CDH4: variants seen among roughly 807,000 people sequenced by gnomAD.
CDH4 encodes cadherin 4, also known as cadherin-4.
A neutral mutation model predicts 86.0 loss-of-function variants in CDH4; 33 were observed. That is an observed-to-expected ratio of 0.38 (90% confidence interval 0.29 to 0.51). The LOEUF (loss-of-function observed/expected upper bound fraction) is 0.51. Among genes scored for constraint, CDH4 ranks in the 20% least tolerant of loss-of-function variants. CDH4 has a pLI of 0.86. For missense variants in CDH4, 1,114 were observed against 1,307.4 expected, an observed-to-expected ratio of 0.85 and a Z score of 2.28; for synonymous variants, 555 against 549.4, an observed-to-expected ratio of 1.01 and a Z score of -0.14.
chr20:61,451,651 G>A (rs142579009), intron 2 of CDH4, among the ~76,000 whole-genome samples: 1 of 152,112 alleles, frequency 6.6e-6, no homozygotes, highest in East Asian at 1.9e-4. Context: ...GGGTCGCCAA[G>A]GAAAACTGTA....
chr20:61,723,732 C>G (rs1339920073), intron 2 of CDH4, among the ~76,000 whole-genome samples: 1 of 152,220 alleles, frequency 6.6e-6, no homozygotes, highest in African/African-American at 2.4e-5. Context: ...CTTATTTACT[C>G]TAGAAAACAT....
At chr20:61,598,236 T>C (rs908581944) in intron 2 of CDH4, among the ~76,000 whole-genome samples, 2 of 152,082 alleles carry the variant, frequency 1.3e-5, no homozygotes, top group African/African-American at 4.8e-5. Context: ...CTTCCAGGAA[T>C]TGGCTGCTGG....
intron 2 of CDH4, among the ~76,000 whole-genome samples, chr20:61,410,354 C>T (rs375183570): frequency 2.6e-5 from 4 of 152,104 alleles, no homozygotes; most frequent in African/African-American, 4.8e-5. Flanking sequence ...ATCTTCCATT[C>T]CTCTCACTGG....
intron 2 of CDH4, among the ~76,000 whole-genome samples, chr20:61,659,794 A>G (rs1862433741): frequency 6.6e-6 from 1 of 152,112 alleles, no homozygotes; most frequent in South Asian, 2.1e-4. Flanking sequence ...CCGGCCCAGG[A>G]GCTGGGGCAG....
At chr20:61,406,950 C>T (rs952316631) in intron 2 of CDH4, among the ~76,000 whole-genome samples, 5 of 147,054 alleles carry the variant, frequency 3.4e-5, no homozygotes, top group South Asian at 2.2e-4. Context: ...CCTGGACCTC[C>T]GTCTGCTCTG....
intron 4 of CDH4, among the ~76,000 whole-genome samples, chr20:61,828,754 C>G (rs1482604361): frequency 6.6e-6 from 1 of 152,238 alleles, no homozygotes; most frequent in Admixed American, 6.5e-5. Context: ...GCCTCTGCTT[C>G]CTCACTTATA....
intron 2 of CDH4, among the ~76,000 whole-genome samples, chr20:61,478,932 A>T (rs2085554204): frequency 6.6e-6 from 1 of 151,604 alleles, no homozygotes; most frequent in Admixed American, 6.6e-5. Flanking sequence ...TTTCTATGTC[A>T]GAGAAACTTT....
At chr20:61,787,091 CCATCCAT>C (rs1049261483) in intron 4 of CDH4, among the ~76,000 whole-genome samples, 16 of 150,930 alleles carry the variant, frequency 1.1e-4, no homozygotes, top group African/African-American at 3.9e-4. Flanking sequence ...CATTATCCAT[CCATCCAT>C]CATCCATCCA....
intron 2 of CDH4, among the ~76,000 whole-genome samples, chr20:61,347,819 T>G (rs2084688631): frequency 6.6e-6 from 1 of 152,224 alleles, no homozygotes; most frequent in African/African-American, 2.4e-5. Flanking sequence ...TCAGCTGATT[T>G]GAATTGGGAC....
chr20:61,726,196 C>T (rs1412495071), intron 2 of CDH4, among the ~76,000 whole-genome samples: 1 of 152,060 alleles, frequency 6.6e-6, no homozygotes, highest in Non-Finnish European at 1.5e-5. Context: ...CCCAGTGGCC[C>T]AGGGCTGATG....
At chr20:61,855,359 C>T (rs958532944) in intron 6 of CDH4, among the ~76,000 whole-genome samples, 3 of 152,198 alleles carry the variant, frequency 2.0e-5, no homozygotes, top group African/African-American at 7.2e-5. Flanking sequence ...GACATTATTT[C>T]ACTGGAACCA....
At chr20:61,529,326 A>G (rs2085935487) in intron 2 of CDH4, among the ~76,000 whole-genome samples, 1 of 152,252 alleles carries the variant, frequency 6.6e-6, no homozygotes, top group Non-Finnish European at 1.5e-5. Flanking sequence ...AACTCATAAT[A>G]AAACTGGTAA....
intron 2 of CDH4, among the ~76,000 whole-genome samples, chr20:61,426,810 A>T (rs1438556488): frequency 1.3e-5 from 2 of 152,166 alleles, no homozygotes. Flanking sequence ...TTGTCTTGGG[A>T]GTAGGGTATA....
intron 4 of CDH4, among the ~76,000 whole-genome samples, chr20:61,819,240 G>A (rs147127234): frequency 9.2e-4 from 140 of 152,344 alleles, no homozygotes; most frequent in African/African-American, 3.3e-3. Context: ...GGACACGAGA[G>A]TGCATCAGAA....
intron 2 of CDH4, among the ~76,000 whole-genome samples, chr20:61,612,847 C>T (rs1356374321): frequency 1.3e-5 from 2 of 152,134 alleles, no homozygotes; most frequent in Non-Finnish European, 2.9e-5. Flanking sequence ...AGGGATTGCA[C>T]ACCTCTGCAT....
chr20:61,342,689 T>G (rs2084655195), intron 2 of CDH4, among the ~76,000 whole-genome samples: 1 of 152,168 alleles, frequency 6.6e-6, no homozygotes, highest in Non-Finnish European at 1.5e-5. Context: ...CTCAGACCAT[T>G]CATTCTGCCC....
At chr20:61,440,027 A>G (rs1183047547) in intron 2 of CDH4, among the ~76,000 whole-genome samples, 1 of 152,244 alleles carries the variant, frequency 6.6e-6, no homozygotes, top group Non-Finnish European at 1.5e-5. Flanking sequence ...TTATATTGCA[A>G]CTGTCCTATC....
chr20:61,928,707 C>T (rs17749762), intron 12 of CDH4, among the ~76,000 whole-genome samples: 5,270 of 152,332 alleles, frequency 0.035, 122 homozygotes, highest in Non-Finnish European at 0.055. Flanking sequence ...ACTTCCTGTG[C>T]CGGTTGTCAG....
At chr20:61,761,778 G>T (rs566457175) in intron 3 of CDH4, among the ~76,000 whole-genome samples, 17 of 152,160 alleles carry the variant, frequency 1.1e-4, no homozygotes, top group Non-Finnish European at 2.4e-4. Context: ...ACCTACATAG[G>T]GTTTCAGAGC....
Sources: allele counts gnomAD v4.1 joint callset (sites outside exome capture counted in the v4.1 genomes callset), GRCh38; gene constraint gnomAD v4.1.1; transcripts MANE v1.5; gene names NCBI Gene and HGNC (gene_info 2026-07-23, HGNC 2026-07-21).